The following NKPD1 variants were observed in gnomAD, a reference collection of about 807,000 sequenced individuals.
NKPD1 encodes the protein NTPase KAP family P-loop domain containing 1, also known as NTPase KAP family P-loop domain-containing protein 1.
NKPD1 carries 37 observed loss-of-function variants against 42.2 expected under a neutral mutation model. The observed-to-expected ratio is 0.88, with a 90% CI of 0.67 to 1.15. The LOEUF is 1.15. Among genes scored for constraint, NKPD1 ranks in the 50% most tolerant of loss-of-function variants. The pLI is 0.00. For missense variants in NKPD1, 1,113 were observed against 1,174.6 expected (o/e 0.95, Z 0.77); for synonymous variants, 552 against 536.5 (o/e 1.03, Z -0.40).
chr19:45,152,660 C>T lies in NKPD1; in HGVS notation c.1777G>A (p.Ala593Thr). The T allele has an allele frequency of 1.3e-6, 2 of 1,547,160 alleles. No homozygotes were observed. Among genetic ancestry groups the T allele is most frequent in the African/African-American group, 1.4e-5 (1 of 71,312 alleles). Reference protein sequence around the residue: ...ERGQGRIDDEAARRIQEALFC... With the variant: ...ERGQGRIDDETARRIQEALFC... ...AGCGCCTCCTGGATTCGCCGCGCCG[C>T]CTCGTCGTCGATGCGGCCCTGCCCG... The change falls in exon 5 of 5, where the codon GCG (alanine) becomes ACG (threonine). Residue 593 changes from alanine (A) to threonine (T), a missense_variant. Transcript: ENST00000686631.
intron 4 of NKPD1, among the ~76,000 whole-genome samples, chr19:45,155,243 G>A (rs577954878): frequency 1.7e-4 from 26 of 152,188 alleles, no homozygotes; most frequent in Non-Finnish European, 2.8e-4. Flanking sequence ...ACTTGAACCC[G>A]GGAGGCGGAG....
In NKPD1 at chr19:45,158,876, CTT is replaced by C; in HGVS notation, c.314_315del (p.Glu105GlyfsTer53). 7.8e-7 allele frequency: 1 copy of C among 1,284,454 alleles called. No individual in the cohort carries two copies. The highest frequency in any genetic ancestry group is 1.0e-6 in the Non-Finnish European group (1 of 979,210). The allele number at this position is 1,284,454 out of a possible 1,614,324, so 79.6% of individuals were successfully genotyped here. On this transcript the variant is annotated frameshift_variant, in exon 3 of 5. Coordinates refer to ENST00000686631, the MANE Select transcript of NKPD1 (RefSeq NM_198478.4). LOFTEE classifies it high-confidence loss of function. This position sits in a 1 kb window ranked among gnomAD's most constrained non-coding sequence, Gnocchi z 4.6. ...PLRQRLCPIH[E>X]AQKGLPATST... ...GAGGTTGCAGGCAGCCCCTTCTGGGCTTCGTGAATGGGGCAGAGCCGCTGCCG... is the reference window on the plus strand; with the variant it reads ...GAGGTTGCAGGCAGCCCCTTCTGGGCCGTGAATGGGGCAGAGCCGCTGCCG...
chr19:45,160,451 C>T (rs554304292), intron 1 of NKPD1, among the ~76,000 whole-genome samples: 2 of 152,214 alleles, frequency 1.3e-5, no homozygotes, highest in African/African-American at 2.4e-5. Context: ...TGTTGGGAAG[C>T]TCCTGGGAGT....
chr19:45,160,961 C>T lies in NKPD1; in HGVS notation c.-108G>A, dbSNP rs552448465. The stretch of plus-strand genomic sequence containing the variant: ...CTCACGGCCCCAGCTGCCTGCCCCA[C>T]GAGCAGCTGCCACACCAGCCCGGAC... On this transcript the variant is annotated 5_prime_UTR_variant, in exon 1 of 5. The change creates a new upstream start codon in the 5' untranslated region. Transcript: ENST00000686631. Among the ~76,000 whole-genome samples, 6 of 152,238 alleles carry T rather than the reference C, an allele frequency of 3.9e-5. No homozygotes were observed. In the East Asian group the frequency reaches 5.8e-4, roughly 15 times the overall value.
intron 1 of NKPD1, among the ~76,000 whole-genome samples, chr19:45,160,580 G>A (rs1288503054): frequency 4.6e-5 from 7 of 152,034 alleles, no homozygotes; most frequent in South Asian, 2.1e-4. Context: ...TGGGAGGCTG[G>A]CACGCTTTGG....
Position 45,158,727 on chromosome 19 carries a change from C to T in NKPD1, c.465G>A (p.Glu155=), listed in dbSNP as rs1968949370. The T allele has an allele frequency of 2.5e-6, 3 of 1,203,682 alleles. No homozygotes were observed. Among genetic ancestry groups the T allele is most frequent in the Non-Finnish European group, 3.2e-6 (3 of 943,216 alleles). The allele number at this position is 1,203,682 out of a possible 1,614,324, so 74.6% of individuals were successfully genotyped here. Residue 155 remains glutamate, a synonymous_variant, in exon 3 of 5, where the codon GAG becomes GAA. Transcript: ENST00000686631. The surrounding 1 kb of genome is among the most constrained non-coding windows in gnomAD (Gnocchi z 4.6). The part of the protein sequence containing the change: ...SAAGVLLKPS[E]PTDARPLPAP... Reference sequence around the variant, plus strand: ...CGGGCAGGGGCCGGGCATCAGTGGGCTCGCTGGGCTTCAGGAGGACGCCAG... The same window carrying T: ...CGGGCAGGGGCCGGGCATCAGTGGGTTCGCTGGGCTTCAGGAGGACGCCAG...
rs755474378 is a variant in NKPD1, at chr19:45,160,918, C to T, written c.-72+7G>A. ...CTCCCCACCCCCAGTCCCAGTCCCACTCGTACCTGACGGTGGCCTCACGGC... is the reference window on the plus strand; with the variant it reads ...CTCCCCACCCCCAGTCCCAGTCCCATTCGTACCTGACGGTGGCCTCACGGC... On this transcript the variant is annotated splice_region_variant and intron_variant, in intron 1 of 4. Transcript: ENST00000686631. Among the ~76,000 whole-genome samples, 6 of 152,086 alleles carry T rather than the reference C, an allele frequency of 3.9e-5. No individual in the cohort carries two copies. Among genetic ancestry groups the T allele is most frequent in the Non-Finnish European group, 7.4e-5 (5 of 68,004 alleles).
At chr19:45,153,822 G>C (rs1372051980) in intron 4 of NKPD1, 47 bp from the exon 5 acceptor site, 9 of 1,408,156 alleles carry the variant, frequency 6.4e-6, no homozygotes, top group South Asian at 1.5e-5. Flanking sequence ...GACCCGCCGG[G>C]GTGGGCGGGG....
chr19:45,152,241 G>C lies in NKPD1; in HGVS notation c.2196C>G (p.Thr732=). Residue 732 remains threonine (T), a synonymous_variant, in exon 5 of 5, where the codon ACC becomes ACG. Transcript: ENST00000686631. ...GCAGCAGGCTCTGCGCCTCGGCCACGGTGAAGGGGAAGTCGGCGCCCAGGA... is the reference window on the plus strand; with the variant it reads ...GCAGCAGGCTCTGCGCCTCGGCCACCGTGAAGGGGAAGTCGGCGCCCAGGA... ...ERFLGADFPF[T]VAEAQSLLRC... 6.2e-7 allele frequency: 1 copy of C among 1,607,312 alleles called. No homozygotes were observed. Among genetic ancestry groups the C allele is most frequent in the East Asian group, 2.2e-5 (1 of 44,554 alleles).
intron 3 of NKPD1, 78 bp from the exon 4 acceptor site, chr19:45,155,994 C>T (rs562206064): frequency 8.1e-7 from 1 of 1,236,052 alleles, no homozygotes; most frequent in Non-Finnish European, 1.1e-6. Flanking sequence ...CTCCATGGCC[C>T]CCACTATCAG....
At chr19:45,159,156 C>T (rs1968962213) in intron 2 of NKPD1, 56 bp from the exon 3 acceptor site, 8 of 1,237,358 alleles carry the variant, frequency 6.5e-6, no homozygotes, top group African/African-American at 1.6e-5. Flanking sequence ...CCGGGGGCAC[C>T]GGCACAAGCC....
At position 45,153,229 on chromosome 19, in the gene NKPD1, A is replaced by C; in HGVS notation, c.1208T>G (p.Leu403Arg). 6.2e-7 allele frequency: 1 copy of C among 1,600,374 alleles called. No individual in the cohort carries two copies. The highest frequency in any genetic ancestry group is 1.1e-5 in the South Asian group (1 of 89,038). ...LMAVYSVGKH[L>R]FVSQRKKIER... ...GATCTTCTTGCGCTGGCTTACGAAC[A>C]GGTGCTTGCCCACCGAGTACACGGC... Residue 403 changes from leucine to arginine, a missense_variant, in exon 5 of 5, where the codon CTG becomes CGG. By Grantham distance (102) the Leu-to-Arg change is moderately radical (BLOSUM62 -2). Coordinates refer to ENST00000686631, the MANE Select transcript of NKPD1 (RefSeq NM_198478.4).
upstream of NKPD1, among the ~76,000 whole-genome samples, chr19:45,162,463 C>T (rs897459656): frequency 5.3e-5 from 8 of 152,248 alleles, no homozygotes; most frequent in South Asian, 8.3e-4. Context: ...AGGCAGCGGG[C>T]GGCGAAGCCC....
intron 4 of NKPD1, among the ~76,000 whole-genome samples, chr19:45,154,760 C>A (rs960946258): frequency 1.3e-5 from 2 of 152,092 alleles, no homozygotes; most frequent in African/African-American, 4.8e-5. Context: ...CGGTGAGTCA[C>A]GCCTGTAATC....
chr19:45,153,056 G>A lies in NKPD1; in HGVS notation c.1381C>T (p.Leu461=). The A allele has an allele frequency of 6.3e-7, 1 of 1,584,876 alleles. No individual in the cohort carries two copies. The highest frequency in any genetic ancestry group is 8.6e-7 in the Non-Finnish European group (1 of 1,166,018). ...RLRVVLEVTG[L]DTCYPERVVG... Reference sequence around the variant, plus strand: ...ACGCGCTCCGGGTAGCACGTGTCCAGCCCGGTGACCTCCAGCACCACGCGC... The same window carrying A: ...ACGCGCTCCGGGTAGCACGTGTCCAACCCGGTGACCTCCAGCACCACGCGC... Residue 461 remains leucine, a synonymous_variant, in exon 5 of 5, where the codon CTG becomes TTG. Transcript: ENST00000686631.
rs1968748796 is a variant in NKPD1, at chr19:45,149,793, G to A, written c.*2145C>T. On this transcript the variant is annotated 3_prime_UTR_variant, in exon 5 of 5. Coordinates refer to ENST00000686631, the MANE Select transcript of NKPD1 (RefSeq NM_198478.4). ...TTATTGTCACATGTGGATGTTCAGA[G>A]TGGCAGGCAGCTCTTCACCAAGTTA... is the stretch of plus-strand genomic sequence containing the variant. 6.6e-6 allele frequency: 1 copy of A among 152,192 alleles called. No individual in the cohort carries two copies. The highest frequency in any genetic ancestry group is 2.1e-4 in the South Asian group (1 of 4,836). 9.4% of individuals were successfully genotyped at this position (152,192 alleles called of 1,614,324 possible). A position where few individuals can be genotyped will look rare whatever the true frequency, so the allele number is the denominator to read the frequency against.
upstream of NKPD1, among the ~76,000 whole-genome samples, chr19:45,161,596 AG>A (rs1969006661): frequency 6.6e-6 from 1 of 152,232 alleles, no homozygotes; most frequent in Non-Finnish European, 1.5e-5. Flanking sequence ...CCTCGGCCCC[AG>A]GGCACACAGA....
In NKPD1 at chr19:45,158,587, A is replaced by G; in HGVS notation, c.529+76T>C. On this transcript the variant is annotated intron_variant, in intron 3 of 4. Transcript: ENST00000686631. The surrounding 1 kb of genome is among the most constrained non-coding windows in gnomAD (Gnocchi z 4.6). Reference sequence around the variant, plus strand: ...AGAGGGCAGGTGCAAGATGCTAGGCAGGGAGCAAGGAGAGCAGGTGGGAAG... The same window carrying G: ...AGAGGGCAGGTGCAAGATGCTAGGCGGGGAGCAAGGAGAGCAGGTGGGAAG... The G allele has an allele frequency of 5.3e-6, 6 of 1,138,566 alleles. No homozygotes were observed. The highest frequency in any genetic ancestry group is 6.5e-6 in the Non-Finnish European group (6 of 918,836). The allele number at this position is 1,138,566 out of a possible 1,614,324, so 70.5% of individuals were successfully genotyped here.
Position 45,152,353 on chromosome 19 carries a change from C to T in NKPD1, c.2084G>A (p.Arg695His). 6.2e-7 allele frequency: 1 copy of T among 1,603,424 alleles called. No homozygotes were observed. Among genetic ancestry groups the T allele is most frequent in the African/African-American group, 1.3e-5 (1 of 74,546 alleles). ...EGRARLWDVF[R>H]DNSRELHTMT... ...GGTGTGCAGCTCGCGGCTGTTGTCG[C>T]GGAAAACGTCCCAGAGGCGCGCGCG... Residue 695 changes from arginine (R) to histidine (H), a missense_variant, in exon 5 of 5, where the codon CGC becomes CAC. By Grantham distance (29) the Arg-to-His change is conservative (BLOSUM62 0). Coordinates refer to ENST00000686631, the MANE Select transcript of NKPD1 (RefSeq NM_198478.4).
Sources: allele counts gnomAD v4.1 joint callset (sites outside exome capture counted in the v4.1 genomes callset), GRCh38; gene constraint gnomAD v4.1.1; non-coding constraint Gnocchi (gnomAD v3.1); transcripts MANE v1.5; gene names NCBI Gene and HGNC (gene_info 2026-07-23, HGNC 2026-07-21).